MICAL2: variants seen among roughly 807,000 people sequenced by gnomAD.
MICAL2 encodes microtubule associated monooxygenase, calponin and LIM domain containing 2, also known as [F-actin]-monooxygenase MICAL2.
A neutral mutation model predicts 127.3 loss-of-function variants in MICAL2; 77 were observed. That is an observed-to-expected ratio of 0.60 (90% CI 0.50 to 0.73). The LOEUF (loss-of-function observed/expected upper bound fraction) is 0.73. Among genes scored for constraint, MICAL2 ranks in the 30% least tolerant of loss-of-function variants. The pLI, the probability that MICAL2 is intolerant of heterozygous loss-of-function variation, is 0.00. For missense variants in MICAL2, 1,351 were observed against 1,434.4 expected (o/e 0.94, Z 0.94); for synonymous variants, 570 against 551.1 (o/e 1.03, Z -0.48).
chr11:12,327,216 C>T, exon 32 of MICAL2: 1 of 1,551,574 alleles, frequency 6.4e-7, no homozygotes. Context: ...CGGCAGAGGG[C>T]TTCTGAGATC....
chr11:12,258,313 G>A (rs1862607123), intron 24 of MICAL2, among the ~76,000 whole-genome samples, 155 bp from the exon 25 acceptor site: 1 of 152,188 alleles, frequency 6.6e-6, no homozygotes, highest in Non-Finnish European at 1.5e-5. Context: ...CTTTAAGGAA[G>A]GTGACAGAAG....
intron 3 of MICAL2, among the ~76,000 whole-genome samples, chr11:12,176,448 T>A (rs1856849464): frequency 6.6e-6 from 1 of 152,208 alleles, no homozygotes; most frequent in Non-Finnish European, 1.5e-5. Flanking sequence ...CGCCTCCTTC[T>A]ACTTCTTGAA....
chr11:12,235,803 C>T (rs1858969447), intron 15 of MICAL2, among the ~76,000 whole-genome samples: 1 of 152,172 alleles, frequency 6.6e-6, no homozygotes, highest in South Asian at 2.1e-4. Flanking sequence ...CTTGGGCAAA[C>T]CATTAAACTG....
chr11:12,224,845 C>G (rs1470360339), intron 13 of MICAL2, 25 bp downstream of exon 13: 1 of 1,593,200 alleles, frequency 6.3e-7, no homozygotes, highest in Admixed American at 1.7e-5. Context: ...CAGGCTGGCC[C>G]CTGGAGACGA....
intron 1 of MICAL2, among the ~76,000 whole-genome samples, chr11:12,280,409 C>T (rs984176201): frequency 2.1e-4 from 32 of 152,164 alleles, no homozygotes; most frequent in Non-Finnish European, 4.7e-4. Flanking sequence ...CATAACAAAG[C>T]ACCACAGACT....
intron 19 of MICAL2, 23 bp downstream of exon 19, chr11:12,242,455 G>C: frequency 6.3e-7 from 1 of 1,581,668 alleles, no homozygotes; most frequent in Non-Finnish European, 8.6e-7. Context: ...CTTTTTGCCC[G>C]TCTCTGTCCG....
At chr11:12,304,653 C>CAT (rs1282005829) in intron 29 of MICAL2, among the ~76,000 whole-genome samples, 25 of 41,426 alleles carry the variant, frequency 6.0e-4, no homozygotes, top group Admixed American at 4.5e-3. Context: ...CACACACACA[C>CAT]ACACACACAC....
At chr11:12,307,534 A>G (rs574902791) in intron 29 of MICAL2, among the ~76,000 whole-genome samples, 2 of 152,292 alleles carry the variant, frequency 1.3e-5, no homozygotes, top group South Asian at 4.1e-4. Flanking sequence ...TTTTCTCCCA[A>G]AAGTTTTATA....
intron 21 of MICAL2, among the ~76,000 whole-genome samples, chr11:12,246,461 G>A (rs979911242): frequency 1.3e-5 from 2 of 152,250 alleles, no homozygotes; most frequent in African/African-American, 4.8e-5. Context: ...GCACAGCTGG[G>A]CAGGGGGGCC....
chr11:12,269,873 T>C (rs766164697), intron 24 of MICAL2, among the ~76,000 whole-genome samples: 14 of 151,634 alleles, frequency 9.2e-5, no homozygotes, highest in Non-Finnish European at 1.2e-4. Flanking sequence ...CTGGAAGGAG[T>C]ACAGCAAGGC....
At chr11:12,152,133 C>CAA (rs71037057) in intron 2 of MICAL2, among the ~76,000 whole-genome samples, 280 of 123,496 alleles carry the variant, frequency 2.3e-3, no homozygotes, top group African/African-American at 6.4e-3. Context: ...ACTAAAAATA[C>CAA]AAAAAAAAAA....
At position 12,261,207 on chromosome 11, in the gene MICAL2, A is replaced by G. The variant is rs544864814; in HGVS notation, c.3335-1273A>G. ...TGCCCAGTGAGCATTGCCTGTGGAC[A>G]TCCTGACTGCTTAGCTGCTCCGCTG... On this transcript the variant is annotated intron_variant, in intron 26 of 27. Transcript: ENST00000683283. 44 of 985,538 alleles carry G rather than the reference A, an allele frequency of 4.5e-5. No individual in the cohort carries two copies. The South Asian group carries it at 1.9e-3, about 42-fold the overall frequency. The allele number at this position is 985,538 out of a possible 1,614,324, so 61.0% of individuals were successfully genotyped here.
At chr11:12,237,912 C>T (rs1304164030) in intron 16 of MICAL2, among the ~76,000 whole-genome samples, 1 of 152,204 alleles carries the variant, frequency 6.6e-6, no homozygotes, top group African/African-American at 2.4e-5. Flanking sequence ...TCCTGGCTAA[C>T]TTTGGTCTTG....
At chr11:12,278,234 A>T (rs1167972263) in intron 1 of MICAL2, among the ~76,000 whole-genome samples, 2 of 152,228 alleles carry the variant, frequency 1.3e-5, no homozygotes, top group Non-Finnish European at 2.9e-5. Flanking sequence ...TAACTTTGTT[A>T]CTTTCTAAAC....
In MICAL2 at chr11:12,161,409, G is replaced by A. The variant is rs780244832; in HGVS notation, c.-77-670G>A. ...CTTTGCACAGGCGGAGGAGGTCCACGTGTCTCTGTCTGTCTGTCTGTGAGT... is the reference window on the plus strand; with the variant it reads ...CTTTGCACAGGCGGAGGAGGTCCACATGTCTCTGTCTGTCTGTCTGTGAGT... On this transcript the variant is annotated intron_variant, in intron 2 of 27. Transcript: ENST00000683283. The A allele has an allele frequency of 1.2e-4, 18 of 152,202 alleles. No individual in the cohort carries two copies. The East Asian group carries it at 1.3e-3, about 11-fold the overall frequency. 9.4% of individuals were successfully genotyped at this position (152,202 alleles called of 1,614,324 possible).
Position 12,162,242 on chromosome 11 carries a change from C to T in MICAL2, c.87C>T (p.Leu29=). 2 of 1,614,230 alleles carry T rather than the reference C, an allele frequency of 1.2e-6. No homozygotes were observed. Among genetic ancestry groups the T allele is most frequent in the Non-Finnish European group, 1.7e-6 (2 of 1,180,044 alleles). ...FVQASTCKGT[L]QAFNILTRHL... ...AGGCATCCACGTGCAAAGGTACCCT[C>T]CAGGCCTTCAACATTCTCACACGAC... is the stretch of plus-strand genomic sequence containing the variant. Residue 29 remains leucine (L), a synonymous_variant, in exon 3 of 28, where the codon CTC becomes CTT. Transcript: ENST00000683283.
rs942715484 is a variant in MICAL2 at position 12,162,095 on chromosome 11, G to C, written c.-61G>C. 1 of 1,603,380 alleles carries C rather than the reference G, an allele frequency of 6.2e-7. No individual in the cohort carries two copies. Among genetic ancestry groups the C allele is most frequent in the African/African-American group, 1.3e-5 (1 of 74,752 alleles). On this transcript the variant is annotated 5_prime_UTR_variant, in exon 3 of 28. Transcript: ENST00000683283. Reference sequence around the variant, plus strand: ...CTTTCACAGGTGTGACGTTTCTCCAGATACTTCATGCTGTTCACCTGTGTC... The same window carrying C: ...CTTTCACAGGTGTGACGTTTCTCCACATACTTCATGCTGTTCACCTGTGTC...
intron 1 of MICAL2, among the ~76,000 whole-genome samples, chr11:12,118,037 G>A (rs1382953371): frequency 2.6e-5 from 4 of 152,148 alleles, no homozygotes; most frequent in Non-Finnish European, 5.9e-5. Context: ...ACACATTACT[G>A]TTGTGAAGGA....
intron 14 of MICAL2, among the ~76,000 whole-genome samples, chr11:12,226,655 T>G (rs1005543115): frequency 5.9e-5 from 6 of 102,418 alleles, no homozygotes; most frequent in African/African-American, 1.9e-4. Flanking sequence ...TTTTTGGTTT[T>G]TTTTTTTTTT....
Sources: gnomAD v4.1 joint callset for allele counts (sites outside exome capture counted in the v4.1 genomes callset) on GRCh38, gnomAD v4.1.1 for gene constraint, MANE v1.5 for transcripts, NCBI Gene and HGNC (gene_info 2026-07-23, HGNC 2026-07-21) for gene names.